KMT2C: variants seen among roughly 807,000 people sequenced by gnomAD.
The protein encoded by KMT2C is histone-lysine N-methyltransferase 2C.
Under a neutral mutation model 507.9 loss-of-function variants are expected in KMT2C, and 88 were observed. The observed-to-expected ratio is 0.17, with a 90% CI of 0.15 to 0.21. The LOEUF is 0.21. Among genes scored for constraint, KMT2C ranks in the 10% least tolerant of loss-of-function variants. The pLI, the probability that KMT2C is intolerant of heterozygous loss-of-function variation, is 1.00. For missense variants in KMT2C, 4,954 were observed against 5,957.8 expected, an observed-to-expected ratio of 0.83 and a Z score of 5.55; for synonymous variants, 2,049 against 2,080.8, an observed-to-expected ratio of 0.98 and a Z score of 0.42.
chr7:152,394,494 T>C (rs935104394), intron 1 of KMT2C, among the ~76,000 whole-genome samples: 4 of 152,240 alleles, frequency 2.6e-5, no homozygotes, highest in African/African-American at 7.2e-5. Flanking sequence ...TCCCCAAATA[T>C]CTGCCTTTGC....
rs188686873 is a variant in KMT2C, at chr7:152,253,965, A to T, written c.1300-1250T>A. Among the ~76,000 whole-genome samples the T allele has an allele frequency of 2.9e-3, 445 of 152,268 alleles. 5 individuals carry two copies. The highest frequency in any genetic ancestry group is 0.01 in the African/African-American group (417 of 41,558). On this transcript the variant is annotated intron_variant, in intron 9 of 58. Transcript: ENST00000262189. Reference sequence around the variant, plus strand: ...TTGTGGGGCTCTCATTACCCACCCCAAATTTTGAATCTAAAATATCAATAA... The same window carrying T: ...TTGTGGGGCTCTCATTACCCACCCCTAATTTTGAATCTAAAATATCAATAA...
intron 34 of KMT2C, among the ~76,000 whole-genome samples, chr7:152,184,981 C>T (rs1254058991): frequency 6.6e-6 from 1 of 152,158 alleles, no homozygotes; most frequent in Non-Finnish European, 1.5e-5. Context: ...GTCTTGAACT[C>T]CTGGGCTCAA....
chr7:152,156,495 C>T, intron 44 of KMT2C, 149 bp from the exon 45 acceptor site: 10 of 990,316 alleles, frequency 1.0e-5, no homozygotes, highest in Non-Finnish European at 1.4e-5. Flanking sequence ...AAAACAATAC[C>T]TACAAGGCCA....
intron 19 of KMT2C, 105 bp from the exon 20 acceptor site, chr7:152,224,284 T>G (rs1208920956): frequency 7.7e-7 from 1 of 1,306,142 alleles, no homozygotes; most frequent in South Asian, 1.4e-5. Flanking sequence ...AATGATTTAA[T>G]GTGTATGTGA....
chr7:152,365,419 T>A (rs192105010), intron 1 of KMT2C, among the ~76,000 whole-genome samples: 1 of 152,140 alleles, frequency 6.6e-6, no homozygotes, highest in East Asian at 1.9e-4. Flanking sequence ...TGAGGCAGAA[T>A]TGCTCCAACT....
chr7:152,185,163 G>A (rs949477097), intron 34 of KMT2C, among the ~76,000 whole-genome samples: 2 of 152,184 alleles, frequency 1.3e-5, no homozygotes, highest in Non-Finnish European at 2.9e-5. Flanking sequence ...ACAAGGGAAA[G>A]AGTCTGTACA....
chr7:152,388,990 C>T (rs1438238632), intron 1 of KMT2C, among the ~76,000 whole-genome samples: 4 of 152,154 alleles, frequency 2.6e-5, no homozygotes, highest in Admixed American at 6.6e-5. Context: ...TCAGGTTATC[C>T]GCCTACCTCG....
At chr7:152,353,437 A>G (rs1476037616) in intron 2 of KMT2C, among the ~76,000 whole-genome samples, 1 of 152,108 alleles carries the variant, frequency 6.6e-6, no homozygotes, top group African/African-American at 2.4e-5. Context: ...TACTTTCCCA[A>G]TGGCTACTCC....
In KMT2C at chr7:152,164,290, C is replaced by T. The variant is rs559220740; in HGVS notation, c.9751-464G>A. Among the ~76,000 whole-genome samples the T allele has an allele frequency of 5.7e-4, 86 of 150,094 alleles. 1 individual carries two copies. In the South Asian group the frequency reaches 0.018, roughly 31 times the overall value. On this transcript the variant is annotated intron_variant, in intron 42 of 58. Transcript: ENST00000262189. ...TTTCTTAAATATATAAATTGTACAA[C>T]ATTTTTTTTTTTTTTTTGAGACGGA...
At position 152,177,862 on chromosome 7, in the gene KMT2C, T is replaced by C. The variant is rs750043881; in HGVS notation, c.7591A>G (p.Met2531Val). The C allele has an allele frequency of 3.7e-6, 6 of 1,613,690 alleles. No individual in the cohort carries two copies. The Admixed American group carries it at 5.0e-5, about 13-fold the overall frequency. ...DMPRPLNNSQ[M>V]NNPVGLPQHF... ...TGAGGAAGTCCAACTGGATTATTCA[T>C]TTGTGAGTTATTTAAAGGCCTAGGC... Residue 2531 changes from methionine to valine, a missense_variant, in exon 38 of 59, where the codon ATG (methionine) becomes GTG (valine). Physicochemically the swap from Met to Val is conservative, Grantham distance 21. Transcript: ENST00000262189.
At chr7:152,245,725 T>C (rs1231428121) in intron 14 of KMT2C, among the ~76,000 whole-genome samples, 19 of 152,178 alleles carry the variant, frequency 1.2e-4, no homozygotes, top group Non-Finnish European at 1.6e-4. Flanking sequence ...AATACTATTA[T>C]AGAAAATCAT....
intron 9 of KMT2C, among the ~76,000 whole-genome samples, chr7:152,261,153 G>T (rs2095765417): frequency 6.6e-6 from 1 of 152,280 alleles, no homozygotes; most frequent in Non-Finnish European, 1.5e-5. Context: ...GATGTGAAAA[G>T]ATAACCATTC....
At chr7:152,183,980 G>T (rs1056172007) in intron 34 of KMT2C, among the ~76,000 whole-genome samples, 1 of 151,246 alleles carries the variant, frequency 6.6e-6, no homozygotes, top group African/African-American at 2.4e-5. Flanking sequence ...GCTGGGGCAG[G>T]AGAATCGCTT....
intron 13 of KMT2C, among the ~76,000 whole-genome samples, chr7:152,249,624 G>GT (rs1326627053): frequency 3.0e-5 from 3 of 98,502 alleles, no homozygotes; most frequent in Non-Finnish European, 5.9e-5. Context: ...AAACTACCAA[G>GT]TAACAGATCT....
chr7:152,294,852 A>C (rs953054107), intron 6 of KMT2C, among the ~76,000 whole-genome samples: 3 of 152,062 alleles, frequency 2.0e-5, no homozygotes, highest in Non-Finnish European at 4.4e-5. Context: ...CCACCTTTTC[A>C]CTGGTTCTTC....
chr7:152,296,979 A>AAAAG (rs1317791537), intron 6 of KMT2C, among the ~76,000 whole-genome samples: 69 of 141,680 alleles, frequency 4.9e-4, no homozygotes, highest in African/African-American at 1.6e-3. Flanking sequence ...ATCACCACTA[A>AAAAG]AAAGAAAGAA....
In KMT2C at chr7:152,179,437, G is replaced by A. The variant is rs17173368; in HGVS notation, c.7442+397C>T. ...ATAAACTGCATCATTAAGGGTGCAAGGTAATGCTAACACAGTTAATACTTA... is the reference window on the plus strand; with the variant it reads ...ATAAACTGCATCATTAAGGGTGCAAAGTAATGCTAACACAGTTAATACTTA... On this transcript the variant is annotated intron_variant, in intron 37 of 58. Transcript: ENST00000262189. 2.4e-3 allele frequency among the ~76,000 whole-genome samples: 358 copies of A among 152,306 alleles called. 9 individuals are homozygous for A. In the East Asian group the frequency reaches 0.062, roughly 26 times the overall value.
At chr7:152,155,744 T>C (rs2091999998) in intron 46 of KMT2C, among the ~76,000 whole-genome samples, 166 bp downstream of exon 46, 2 of 152,236 alleles carry the variant, frequency 1.3e-5, no homozygotes. Flanking sequence ...TTATGTTTAA[T>C]GGTAACAATG....
chr7:152,261,957 C>T (rs2095787750), intron 9 of KMT2C, among the ~76,000 whole-genome samples: 1 of 152,128 alleles, frequency 6.6e-6, no homozygotes. Context: ...GCACAGTTAC[C>T]CAGCAGCTCT....
Sources: gnomAD v4.1 joint callset for allele counts (sites outside exome capture counted in the v4.1 genomes callset) on GRCh38, gnomAD v4.1.1 for gene constraint, MANE v1.5 for transcripts, NCBI Gene and HGNC (gene_info 2026-07-23, HGNC 2026-07-21) for gene names.